Variants in RAD52 observed in about 807,000 individuals in gnomAD.
RAD52 encodes the protein RAD52 DNA repair protein, also known as DNA repair protein RAD52 homolog.
Under a neutral mutation model 55.5 loss-of-function variants are expected in RAD52, and 47 were observed. The observed-to-expected ratio is 0.85, with a 90% CI of 0.67 to 1.08. The LOEUF is 1.08. RAD52 is among the 50% of genes least tolerant of loss of function. The pLI is 0.00. For synonymous variants in RAD52, 184 were observed against 198.9 expected, an observed-to-expected ratio of 0.92 and a Z score of 0.63; for missense variants, 468 against 522.8, an observed-to-expected ratio of 0.90 and a Z score of 1.02.
chr12:964,389 G>A (rs907617864), intron 1 of RAD52, among the ~76,000 whole-genome samples: 1 of 152,228 alleles, frequency 6.6e-6, no homozygotes, highest in East Asian at 1.9e-4. Flanking sequence ...CCAATGTGGC[G>A]AAACCCTGTC....
intron 7 of RAD52, among the ~76,000 whole-genome samples, chr12:922,201 A>AC (rs1956770505): frequency 1.4e-5 from 2 of 147,594 alleles, no homozygotes; most frequent in Non-Finnish European, 3.0e-5. Flanking sequence ...TAAAAAAAAA[A>AC]AAAAAAAAAA....
chr12:932,851 CACA>C (rs1438604104), intron 2 of RAD52, 121 bp downstream of exon 2: 20 of 677,924 alleles, frequency 3.0e-5, no homozygotes, highest in South Asian at 1.3e-4. Flanking sequence ...GTACTGCTCA[CACA>C]CGTACTAGGT....
In RAD52 at chr12:961,309, C is replaced by CAAAAAA. The variant is rs60547688; in HGVS notation, c.-18-28239_-18-28234dup. Among the ~76,000 whole-genome samples the CAAAAAA allele has an allele frequency of 2.0e-3, 67 of 33,782 alleles. 5 individuals are homozygous for CAAAAAA. The highest frequency in any genetic ancestry group is 2.8e-3 in the Admixed American group (6 of 2,142). The allele number at this position is 33,782 out of a possible 152,430, so 22.2% of individuals were successfully genotyped here. ...TGGGTGACAGAGTGAGACTCCATCTCAAAAAAAAAAAAAAAAAAAAAAAGG... is the reference window on the plus strand; with the variant it reads ...TGGGTGACAGAGTGAGACTCCATCTCAAAAAAAAAAAAAAAAAAAAAAAAAAAAAGG... On this transcript the variant is annotated intron_variant, in intron 1 of 11. Transcript: ENST00000430095.
intron 1 of RAD52, among the ~76,000 whole-genome samples, chr12:977,511 C>T (rs1488811902): frequency 2.0e-5 from 3 of 152,180 alleles, no homozygotes; most frequent in African/African-American, 7.2e-5. Context: ...AAGATGTCTC[C>T]TGTTTATTAG....
At chr12:979,776 G>A (rs188379806) in intron 1 of RAD52, among the ~76,000 whole-genome samples, 1 of 152,054 alleles carries the variant, frequency 6.6e-6, no homozygotes, top group Non-Finnish European at 1.5e-5. Flanking sequence ...GGCCGGGTGC[G>A]GTGGCTCCTG....
intron 1 of RAD52, among the ~76,000 whole-genome samples, chr12:955,372 CTG>C (rs1958589861): frequency 6.6e-6 from 1 of 152,140 alleles, no homozygotes; most frequent in Admixed American, 6.6e-5. Context: ...GTAAAGATAT[CTG>C]TAGAAGATAC....
intron 1 of RAD52, among the ~76,000 whole-genome samples, chr12:988,648 G>A (rs1959121221): frequency 6.6e-6 from 1 of 152,198 alleles, no homozygotes; most frequent in Non-Finnish European, 1.5e-5. Context: ...AGACATGGCG[G>A]AGAAGGTCAA....
intron 1 of RAD52, among the ~76,000 whole-genome samples, chr12:949,047 CA>C (rs1416195559): frequency 1.3e-5 from 2 of 152,028 alleles, no homozygotes; most frequent in African/African-American, 4.8e-5. Flanking sequence ...AAGTGAGCGT[CA>C]AATTTTTATT....
intron 1 of RAD52, among the ~76,000 whole-genome samples, chr12:938,122 A>G (rs1957732294): frequency 6.6e-6 from 1 of 152,196 alleles, no homozygotes; most frequent in African/African-American, 2.4e-5. Flanking sequence ...GGGCGGCAAA[A>G]GATGCCTTTA....
chr12:984,082 C>A (rs1378223327), intron 1 of RAD52, among the ~76,000 whole-genome samples: 1 of 152,190 alleles, frequency 6.6e-6, no homozygotes, highest in Non-Finnish European at 1.5e-5. Context: ...AGACATCACC[C>A]TTATCTTCTC....
At chr12:922,202 A>AAAAC (rs745927465) in intron 7 of RAD52, among the ~76,000 whole-genome samples, 13 of 147,806 alleles carry the variant, frequency 8.8e-5, no homozygotes, top group South Asian at 2.2e-4. Context: ...AAAAAAAAAA[A>AAAAC]AAAAAAAAAA....
chr12:923,588 A>G (rs1234824007), intron 7 of RAD52, among the ~76,000 whole-genome samples: 11 of 146,460 alleles, frequency 7.5e-5, no homozygotes, highest in Non-Finnish European at 1.2e-4. Flanking sequence ...AAAAAAAAAA[A>G]GGAAAGAAAG....
intron 1 of RAD52, among the ~76,000 whole-genome samples, chr12:966,934 ACTTC>A (rs1398447059): frequency 6.6e-6 from 1 of 151,952 alleles, no homozygotes. Flanking sequence ...TTTTGGCTAC[ACTTC>A]CTTATTTTTC....
chr12:967,973 G>A (rs562051953), intron 1 of RAD52, among the ~76,000 whole-genome samples: 3 of 152,196 alleles, frequency 2.0e-5, no homozygotes, highest in South Asian at 4.1e-4. Context: ...GTGAGCCACT[G>A]TGTCTGGCCT....
chr12:916,189 T>G (rs928825637), intron 9 of RAD52, 155 bp downstream of exon 9: 2 of 1,403,136 alleles, frequency 1.4e-6, no homozygotes, highest in African/African-American at 2.9e-5. Flanking sequence ...TATCTGAATT[T>G]CCTGGGCTCA....
chr12:933,209 A>G, intron 1 of RAD52, 133 bp from the exon 2 acceptor site: 2 of 608,260 alleles, frequency 3.3e-6, no homozygotes, highest in Non-Finnish European at 5.7e-6. Context: ...CTGTAATCCC[A>G]GCACTTTGGG....
chr12:954,996 T>C (rs1022577580), intron 1 of RAD52, among the ~76,000 whole-genome samples: 1 of 152,226 alleles, frequency 6.6e-6, no homozygotes, highest in Non-Finnish European at 1.5e-5. Flanking sequence ...CCCATTATTA[T>C]GGCCCAATTA....
intron 1 of RAD52, among the ~76,000 whole-genome samples, chr12:935,207 A>T (rs982923416): frequency 1.3e-5 from 2 of 152,072 alleles, no homozygotes; most frequent in Admixed American, 6.6e-5. Context: ...GTCAAAAAGA[A>T]ATAGAAGCCA....
rs752090580 is a variant in RAD52 at position 933,110 on chromosome 12, C to T, written c.-18-34G>A. On this transcript the variant is annotated intron_variant, in intron 1 of 11. Transcript: ENST00000358495. ...ATAAAAAGCGGAAAAAAAAAACAAC[C>T]CTCAAAGAATGTTTAAAGTAAAAGG... The T allele has an allele frequency of 1.1e-5, 16 of 1,439,402 alleles. No individual in the cohort carries two copies. In the African/African-American group the frequency reaches 1.6e-4, roughly 14 times the overall value. 89.2% of individuals were successfully genotyped at this position (1,439,402 alleles called of 1,614,324 possible).
Sources: allele counts gnomAD v4.1 joint callset (sites outside exome capture counted in the v4.1 genomes callset), GRCh38; gene constraint gnomAD v4.1.1; transcripts MANE v1.5; gene names NCBI Gene and HGNC (gene_info 2026-07-23, HGNC 2026-07-21).